Variants in NUP133 observed in about 807,000 individuals in gnomAD.
NUP133 encodes the protein nucleoporin 133.
A neutral mutation model predicts 146.2 loss-of-function variants in NUP133; 66 were observed. That is an observed-to-expected ratio of 0.45 (90% CI 0.37 to 0.55). NUP133 has a LOEUF of 0.55. Ranked by LOEUF, NUP133 falls within the 20% of genes least tolerant of loss-of-function variation. NUP133 has a pLI of 0.00. For missense variants in NUP133, 1,277 were observed against 1,374.8 expected (o/e 0.93, Z 1.12); for synonymous variants, 521 against 498.8 (o/e 1.04, Z -0.59).
At chr1:229,492,481 A>G (rs1661552011) in intron 8 of NUP133, among the ~76,000 whole-genome samples, 1 of 152,134 alleles carries the variant, frequency 6.6e-6, no homozygotes, top group African/African-American at 2.4e-5. Flanking sequence ...GACAACTAAA[A>G]ATAAGAAACC....
chr1:229,499,800 C>T lies in NUP133; in HGVS notation c.532G>A (p.Ala178Thr), dbSNP rs776969057. The T allele has an allele frequency of 6.2e-7, 1 of 1,613,626 alleles. No homozygotes were observed. The highest frequency in any genetic ancestry group is 1.1e-5 in the South Asian group (1 of 91,040). Reference sequence around the variant, plus strand: ...TAGCGGATAGATCCTTCTCTGGTGGCAACCATGACAGCAACAGCCTCAAAA... The same window carrying T: ...TAGCGGATAGATCCTTCTCTGGTGGTAACCATGACAGCAACAGCCTCAAAA... ...HSTQAVAVMV[A>T]TREGSIRYWP... Residue 178 changes from alanine to threonine, a missense_variant, in exon 5 of 26, where the codon GCC becomes ACC. This residue lies in a region of NUP133 where 319 missense variants were observed against 306.9 expected (regional missense o/e 1.04). Coordinates refer to ENST00000261396, the MANE Select transcript of NUP133 (RefSeq NM_018230.3).
At position 229,475,725 on chromosome 1, in the gene NUP133, A is replaced by T; in HGVS notation, c.1764T>A (p.Pro588=). 1 of 1,613,510 alleles carries T rather than the reference A, an allele frequency of 6.2e-7. No homozygotes were observed. The highest frequency in any genetic ancestry group is 8.5e-7 in the Non-Finnish European group (1 of 1,179,388). ...RWAESVPEEA[P]GFSNTSLIIL... ...TAATCAGTGACGTATTGCTGAACCC[A>T]GGTGCTTCTGTTAAAACACAGTGAT... The change falls in exon 14 of 26, where the codon CCT becomes CCA. Residue 588 remains proline (P), a synonymous_variant. Coordinates refer to ENST00000261396, the MANE Select transcript of NUP133 (RefSeq NM_018230.3).
At position 229,502,053 on chromosome 1, in the gene NUP133, C is replaced by T; in HGVS notation, c.351G>A (p.Leu117=). The T allele has an allele frequency of 6.2e-7, 1 of 1,613,976 alleles. No individual in the cohort carries two copies. Among genetic ancestry groups the T allele is most frequent in the South Asian group, 1.1e-5 (1 of 91,088 alleles). The change falls in exon 3 of 26, where the codon CTG becomes CTA. Residue 117 remains leucine (L), a synonymous_variant. Transcript: ENST00000261396. ...INIDEGGWAC[L]VCKEKLIIWK... The stretch of plus-strand genomic sequence containing the variant: ...AAATAATGAGCTTCTCTTTGCACAC[C>T]AGACAAGCCCATCCACCTTCATCTA...
In NUP133 at chr1:229,489,950, C is replaced by G; in HGVS notation, c.1194+5G>C. On this transcript the variant is annotated splice_donor_5th_base_variant and intron_variant, in intron 9 of 25. Transcript: ENST00000261396. ...GCTTTGTAATTTAACCAATATAAAT[C>G]TTACCTGAAAAGGTGGATTATATTG... The G allele has an allele frequency of 6.3e-7, 1 of 1,578,410 alleles. No homozygotes were observed. Among genetic ancestry groups the G allele is most frequent in the Non-Finnish European group, 8.6e-7 (1 of 1,161,246 alleles).
Position 229,458,246 on chromosome 1 carries a change from T to C in NUP133, c.2895A>G (p.Ala965=). The part of the protein sequence containing the change: ...GLANMETRYF[A]KKKTLLGLSK... ...TCAAGCCAAGAAGGGTTTTCTTCTT[T>C]GCAAAGTAACGAGTTTCCATATTTG... is the stretch of plus-strand genomic sequence containing the variant. The change falls in exon 21 of 26, where the codon GCA becomes GCG. Residue 965 remains alanine (A), a synonymous_variant. Transcript: ENST00000261396. The C allele has an allele frequency of 6.2e-7, 1 of 1,613,650 alleles. No homozygotes were observed. The highest frequency in any genetic ancestry group is 8.5e-7 in the Non-Finnish European group (1 of 1,179,704).
At chr1:229,506,835 A>AC (rs1661955141) in intron 1 of NUP133, among the ~76,000 whole-genome samples, 1 of 151,304 alleles carries the variant, frequency 6.6e-6, no homozygotes, top group Non-Finnish European at 1.5e-5. Context: ...AAAAAAAAAA[A>AC]AAAAACTATC....
intron 2 of NUP133, among the ~76,000 whole-genome samples, chr1:229,505,587 A>C (rs1010756033): frequency 6.7e-5 from 10 of 149,618 alleles, no homozygotes; most frequent in Non-Finnish European, 1.5e-5. Context: ...AAAAAAAAAA[A>C]AAAAAACTAA....
At chr1:229,448,074 G>T (rs1660353938) in intron 24 of NUP133, among the ~76,000 whole-genome samples, 1 of 152,206 alleles carries the variant, frequency 6.6e-6, no homozygotes, top group South Asian at 2.1e-4. Flanking sequence ...ACTCCCACCA[G>T]CACCACAATA....
At chr1:229,503,855 T>C (rs111489653) in intron 2 of NUP133, among the ~76,000 whole-genome samples, 1 of 152,326 alleles carries the variant, frequency 6.6e-6, no homozygotes, top group African/African-American at 2.4e-5. Flanking sequence ...TTCTAAGGAC[T>C]CTCTGAATTT....
At chr1:229,494,055 G>T (rs1325961480) in intron 8 of NUP133, among the ~76,000 whole-genome samples, 1 of 152,016 alleles carries the variant, frequency 6.6e-6, no homozygotes, top group Non-Finnish European at 1.5e-5. Context: ...CGCTTGAACC[G>T]GGAGGCAAAG....
At chr1:229,483,708 A>C (rs1661276134) in intron 12 of NUP133, among the ~76,000 whole-genome samples, 1 of 146,526 alleles carries the variant, frequency 6.8e-6, no homozygotes, top group Admixed American at 6.7e-5. Context: ...AAAAAAAAAA[A>C]AAAAAAAAAA....
intron 14 of NUP133, among the ~76,000 whole-genome samples, chr1:229,472,275 C>T (rs993889460): frequency 4.0e-5 from 6 of 148,692 alleles, no homozygotes; most frequent in Non-Finnish European, 5.9e-5. Flanking sequence ...GCAGAGATTG[C>T]GCCACTGCAC....
chr1:229,497,237 C>A (rs1661676934), intron 6 of NUP133, among the ~76,000 whole-genome samples: 1 of 152,070 alleles, frequency 6.6e-6, no homozygotes, highest in Admixed American at 6.5e-5. Context: ...AAATCTACAG[C>A]ACCTGGTAAA....
At chr1:229,479,955 T>A (rs745816859) in intron 12 of NUP133, among the ~76,000 whole-genome samples, 8 of 152,030 alleles carry the variant, frequency 5.3e-5, no homozygotes, top group Non-Finnish European at 1.0e-4. Context: ...AGACTAAATA[T>A]GATTAATTGC....
rs1326187856 is a variant in NUP133 at position 229,441,710 on chromosome 1, A to C, written c.*194T>G. 2.0e-6 allele frequency: 1 copy of C among 490,292 alleles called. No individual in the cohort carries two copies. The highest frequency in any genetic ancestry group is 2.0e-5 in the African/African-American group (1 of 50,620). The allele number at this position is 490,292 out of a possible 1,614,324, so 30.4% of individuals were successfully genotyped here. A position where few individuals can be genotyped will look rare whatever the true frequency, so the allele number is the denominator to read the frequency against. On this transcript the variant is annotated 3_prime_UTR_variant, in exon 26 of 26. Coordinates refer to ENST00000261396, the MANE Select transcript of NUP133 (RefSeq NM_018230.3). ...CAACAACTGACACATTTCAGGTGGA[A>C]AAAACAAGTCACATAACTGAAAACC...
intron 11 of NUP133, among the ~76,000 whole-genome samples, chr1:229,486,006 T>A (rs947967864): frequency 1.3e-5 from 2 of 151,878 alleles, no homozygotes; most frequent in East Asian, 1.9e-4. Flanking sequence ...CTACAAAAAA[T>A]AAAAAATTAG....
Position 229,508,129 on chromosome 1 carries a change from A to G in NUP133, c.121T>C (p.Ser41Pro). The change falls in exon 1 of 26, where the codon TCT (serine) becomes CCT (proline). Residue 41 changes from serine to proline, a missense_variant. Ser to Pro is a moderately conservative substitution (Grantham distance 74). Coordinates refer to ENST00000261396, the MANE Select transcript of NUP133 (RefSeq NM_018230.3). ...AAGAGCACTGGGGAGCTGACTGCAG[A>G]CCCCAGGGGCAGACCCTTCCTGCTA... is the stretch of plus-strand genomic sequence containing the variant. ...TASRKGLPLG[S>P]AVSSPVLFSP... 6.3e-7 allele frequency: 1 copy of G among 1,583,938 alleles called. No individual in the cohort carries two copies.
intron 15 of NUP133, among the ~76,000 whole-genome samples, chr1:229,468,715 G>A (rs1660882002): frequency 6.6e-6 from 1 of 152,072 alleles, no homozygotes; most frequent in Admixed American, 6.5e-5. Context: ...GTTCTTACAA[G>A]TAGTCTGTAA....
intron 15 of NUP133, among the ~76,000 whole-genome samples, chr1:229,468,054 T>A (rs1489117088): frequency 6.6e-6 from 1 of 152,206 alleles, no homozygotes; most frequent in Non-Finnish European, 1.5e-5. Context: ...ATTGCTCATA[T>A]GCCGTGTCAA....
Sources: gnomAD v4.1 joint callset for allele counts (sites outside exome capture counted in the v4.1 genomes callset) on GRCh38, gnomAD v4.1.1 for gene constraint, gnomAD v4.1.1 regional missense constraint, MANE v1.5 for transcripts, NCBI Gene and HGNC (gene_info 2026-07-23, HGNC 2026-07-21) for gene names.